Variants in VPS13B observed in about 807,000 individuals in gnomAD.
VPS13B encodes vacuolar protein sorting 13 homolog B, also known as intermembrane lipid transfer protein VPS13B.
In VPS13B, 285 loss-of-function variants were observed where a neutral mutation model predicts 426.4. That is an observed-to-expected ratio of 0.67 (90% CI 0.61 to 0.74). The LOEUF (loss-of-function observed/expected upper bound fraction) is 0.74, where lower values mean the gene tolerates loss of function less well. VPS13B is among the 30% of genes least tolerant of loss of function. The probability of loss-of-function intolerance (pLI) is 0.00; values close to 1 mark genes in which losing one functional copy is unlikely to be tolerated. For missense variants in VPS13B, 4,537 were observed against 4,782.6 expected (o/e 0.95, Z 1.51); for synonymous variants, 1,676 against 1,676.4 (o/e 1.00, Z 0.01).
chr8:99,096,570 A>G (rs1846433378), intron 4 of VPS13B, 138 bp downstream of exon 4: 8 of 1,226,800 alleles, frequency 6.5e-6, no homozygotes, highest in Non-Finnish European at 9.2e-6. Flanking sequence ...AGCCTGGCCA[A>G]CATGGTGAAG....
intron 7 of VPS13B, among the ~76,000 whole-genome samples, chr8:99,117,948 T>TA (rs1448645692): frequency 1.3e-5 from 2 of 152,134 alleles, no homozygotes; most frequent in Admixed American, 6.5e-5. Flanking sequence ...TTTATCTCAT[T>TA]AAAAAAATCT....
At chr8:99,480,679 G>C (rs1286370092) in intron 24 of VPS13B, among the ~76,000 whole-genome samples, 1 of 152,040 alleles carries the variant, frequency 6.6e-6, no homozygotes, top group Non-Finnish European at 1.5e-5. Context: ...AAAAACAGGA[G>C]AAAATTGTAC....
chr8:99,200,759 G>T (rs1210460785), intron 17 of VPS13B, among the ~76,000 whole-genome samples: 1 of 151,864 alleles, frequency 6.6e-6, no homozygotes, highest in East Asian at 1.9e-4. Flanking sequence ...CTTTTAAATT[G>T]TGAGATTTCT....
Position 99,854,106 on chromosome 8 carries a change from A to G in VPS13B, c.10717A>G (p.Ser3573Gly). The G allele has an allele frequency of 6.2e-7, 1 of 1,612,900 alleles. No individual in the cohort carries two copies. Among genetic ancestry groups the G allele is most frequent in the Non-Finnish European group, 8.5e-7 (1 of 1,179,278 alleles). The change falls in exon 56 of 62, where the codon AGC (serine) becomes GGC (glycine). Residue 3573 changes from serine (S) to glycine (G), a missense_variant. Physicochemically the swap from Ser to Gly is moderately conservative, Grantham distance 56 (BLOSUM62 0). This residue lies in a region of VPS13B where 4,311 missense variants were observed against 4,474.3 expected (regional missense o/e 0.96). Coordinates refer to ENST00000357162, the MANE Select transcript of VPS13B (RefSeq NM_152564.5). ...GATCCAGCCAGTAAATTTGCTCGTC[A>G]GCATCCACGCTTCCCTCAAGCTGTA... is the stretch of plus-strand genomic sequence containing the variant. The part of the protein sequence containing the change: ...LVIQPVNLLV[S>G]IHASLKLYIA...
chr8:99,506,201 C>T (rs1283240288), intron 27 of VPS13B, among the ~76,000 whole-genome samples: 1 of 152,046 alleles, frequency 6.6e-6, no homozygotes, highest in Non-Finnish European at 1.5e-5. Flanking sequence ...TTCCTAAGCA[C>T]TTTGATGACT....
intron 3 of VPS13B, among the ~76,000 whole-genome samples, chr8:99,043,176 AT>A (rs1385815144): frequency 6.6e-6 from 1 of 151,744 alleles, no homozygotes; most frequent in Admixed American, 6.6e-5. Context: ...TTTTGTTTAC[AT>A]TTAGATAGGA....
intron 2 of VPS13B, among the ~76,000 whole-genome samples, chr8:99,025,607 C>T (rs962041711): frequency 7.2e-5 from 11 of 152,140 alleles, no homozygotes; most frequent in African/African-American, 2.7e-4. Flanking sequence ...TTCTATCCTT[C>T]AGTTTTTTGG....
chr8:99,399,591 A>G (rs1395220602), intron 21 of VPS13B, among the ~76,000 whole-genome samples: 1 of 152,200 alleles, frequency 6.6e-6, no homozygotes, highest in East Asian at 1.9e-4. Context: ...TTTCATAAAC[A>G]TGAAGCATCC....
intron 39 of VPS13B, among the ~76,000 whole-genome samples, chr8:99,765,848 C>G (rs908198456): frequency 6.6e-6 from 1 of 152,110 alleles, no homozygotes; most frequent in African/African-American, 2.4e-5. Flanking sequence ...TCATGCCATA[C>G]ATACAAAAGT....
intron 51 of VPS13B, among the ~76,000 whole-genome samples, chr8:99,825,425 G>GA (rs1814624725): frequency 6.6e-6 from 1 of 151,950 alleles, no homozygotes; most frequent in Admixed American, 6.6e-5. Context: ...GGGGTTGGTT[G>GA]GTTTTTTCTT....
In VPS13B at chr8:99,135,747, T is replaced by A. The variant is rs371666483; in HGVS notation, c.1563+14T>A. 4 of 1,612,748 alleles carry A rather than the reference T, an allele frequency of 2.5e-6. No individual in the cohort carries two copies. The highest frequency in any genetic ancestry group is 2.7e-5 in the African/African-American group (2 of 74,904). On this transcript the variant is annotated intron_variant, in intron 11 of 61. Transcript: ENST00000357162. The stretch of plus-strand genomic sequence containing the variant: ...ACTCATCATAAGGTTAGAGAATATA[T>A]ATTTGAACCAAATTCTAGGCTGTGT...
At chr8:99,121,471 A>C in intron 8 of VPS13B, 26 bp downstream of exon 8, 1 of 1,610,752 alleles carries the variant, frequency 6.2e-7, no homozygotes, top group South Asian at 1.1e-5. Flanking sequence ...TGCTGTTTAT[A>C]TCTCTATCAA....
intron 55 of VPS13B, among the ~76,000 whole-genome samples, chr8:99,850,335 ATGTACTT>A: frequency 6.9e-6 from 1 of 145,032 alleles, no homozygotes; most frequent in African/African-American, 2.8e-5. Context: ...GTACGCATGT[ATGTACTT>A]ATACATACAT....
At chr8:99,036,154 C>T (rs1842735957) in intron 2 of VPS13B, among the ~76,000 whole-genome samples, 2 of 151,850 alleles carry the variant, frequency 1.3e-5, no homozygotes, top group Non-Finnish European at 2.9e-5. Flanking sequence ...AATTTGATGT[C>T]TCATTTTTCT....
intron 17 of VPS13B, among the ~76,000 whole-genome samples, chr8:99,202,931 C>G (rs1051060413): frequency 6.6e-6 from 1 of 151,676 alleles, no homozygotes; most frequent in African/African-American, 2.4e-5. Context: ...TTACTCTGGA[C>G]GCTGAGGCAG....
In VPS13B at chr8:99,832,351, T is replaced by TTTTTTTTTTTTTTTTTG; in HGVS notation, c.9331-3_9331-2insTGTTTTTTTTTTTTTTT. The TTTTTTTTTTTTTTTTTG allele has an allele frequency of 6.8e-7, 1 of 1,462,054 alleles. No homozygotes were observed. The highest frequency in any genetic ancestry group is 9.0e-7 in the Non-Finnish European group (1 of 1,112,682). The allele number at this position is 1,462,054 out of a possible 1,614,324, so 90.6% of individuals were successfully genotyped here. On this transcript the variant is annotated splice_polypyrimidine_tract_variant and intron_variant, in intron 51 of 61. Transcript: ENST00000357162. ...TAATGTGCTCTCTGCATTTTTTTTTTTTTTTTTTTTTTTTTAGTATTTTCG... is the reference window on the plus strand; with the variant it reads ...TAATGTGCTCTCTGCATTTTTTTTTTTTTTTTTTTTTTTTTTGTTTTTTTTTTTTTTTAGTATTTTCG...
chr8:99,157,617 T>C (rs1402221035), intron 15 of VPS13B, among the ~76,000 whole-genome samples: 1 of 152,156 alleles, frequency 6.6e-6, no homozygotes, highest in Non-Finnish European at 1.5e-5. Flanking sequence ...GTTAGGCCAA[T>C]TAATAGCCCT....
chr8:99,367,694 T>C (rs867617723), intron 19 of VPS13B, among the ~76,000 whole-genome samples: 2 of 152,326 alleles, frequency 1.3e-5, no homozygotes, highest in Middle Eastern at 3.4e-3. Flanking sequence ...CTTCTCTTTT[T>C]TCTTTTGTCT....
chr8:99,593,338 G>A (rs1826791912), intron 33 of VPS13B, among the ~76,000 whole-genome samples: 1 of 152,080 alleles, frequency 6.6e-6, no homozygotes, highest in South Asian at 2.1e-4. Context: ...TTAGAGAAAG[G>A]CAAATCAAAA....
Sources: gnomAD v4.1 joint callset for allele counts (sites outside exome capture counted in the v4.1 genomes callset) on GRCh38, gnomAD v4.1.1 for gene constraint, gnomAD v4.1.1 regional missense constraint, MANE v1.5 for transcripts, NCBI Gene and HGNC (gene_info 2026-07-23, HGNC 2026-07-21) for gene names.